CLIC5: variants seen among roughly 807,000 people sequenced by gnomAD.
CLIC5 encodes the protein chloride intracellular channel protein 5.
In CLIC5, 20 loss-of-function variants were observed where a neutral mutation model predicts 24.7. That is an observed-to-expected ratio of 0.81 (90% CI 0.57 to 1.18). CLIC5 has a LOEUF of 1.18. Among genes scored for constraint, CLIC5 ranks in the 50% most tolerant of loss-of-function variants. The pLI is 0.00. For missense variants in CLIC5, 341 were observed against 326.1 expected (o/e 1.05, Z -0.35); for synonymous variants, 159 against 135.6 (o/e 1.17, Z -1.20).
At chr6:45,913,953 A>G in intron 5 of CLIC5, 1 of 540,468 alleles carries the variant, frequency 1.9e-6, no homozygotes. Flanking sequence ...ACACATATTA[A>G]GCCCCCACAA....
chr6:45,958,915 A>G (rs1283174753), intron 1 of CLIC5, among the ~76,000 whole-genome samples: 1 of 152,084 alleles, frequency 6.6e-6, no homozygotes, highest in East Asian at 1.9e-4. Flanking sequence ...AGGATCTCAA[A>G]ATTCTCTCAC....
chr6:46,104,716 C>T, the CLIC5 span, among the ~76,000 whole-genome samples: 2 of 149,540 alleles, frequency 1.3e-5, no homozygotes, highest in Admixed American at 1.3e-4. Flanking sequence ...AAATAATTGA[C>T]TTCTTTGTAC....
chr6:45,990,271 C>T (rs1449638733), intron 1 of CLIC5, among the ~76,000 whole-genome samples: 1 of 152,132 alleles, frequency 6.6e-6, no homozygotes, highest in African/African-American at 2.4e-5. Flanking sequence ...GCACCAATGC[C>T]CTATTACTTT....
rs114467810 is a variant in CLIC5 at position 45,930,894 on chromosome 6, T to G, written c.406+10653A>C. Among the ~76,000 whole-genome samples, 557 of 152,334 alleles carry G rather than the reference T, an allele frequency of 3.7e-3. 4 individuals carry two copies. Among genetic ancestry groups the G allele is most frequent in the African/African-American group, 0.012 (483 of 41,572 alleles). On this transcript the variant is annotated intron_variant, in intron 4 of 5. Coordinates refer to ENST00000339561, the MANE Select transcript of CLIC5 (RefSeq NM_016929.5). The stretch of plus-strand genomic sequence containing the variant: ...TGAGGAGGCTGAGGCATACTGAAAT[T>G]AACAGAACTTGCTATTGTAGCCACG...
At chr6:46,083,070 C>A (rs377630265), upstream of CLIC5, among the ~76,000 whole-genome samples, 3 of 152,180 alleles carry the variant, frequency 2.0e-5, no homozygotes, top group East Asian at 5.8e-4. Flanking sequence ...TTACGTTTCA[C>A]GAGAACAAGG....
At chr6:46,103,743 A>AT in the CLIC5 span, among the ~76,000 whole-genome samples, 12 of 151,954 alleles carry the variant, frequency 7.9e-5, no homozygotes, top group African/African-American at 2.4e-4. Flanking sequence ...ATCTGAGTTG[A>AT]TTTTTTTCAG....
chr6:46,100,435 G>A, the CLIC5 span, among the ~76,000 whole-genome samples: 1 of 152,222 alleles, frequency 6.6e-6, no homozygotes, highest in Non-Finnish European at 1.5e-5. Flanking sequence ...GGGGCTGCTT[G>A]CACCTTGGTG....
chr6:46,036,938 A>G (rs893886573), intron 1 of CLIC5, among the ~76,000 whole-genome samples: 11 of 152,224 alleles, frequency 7.2e-5, no homozygotes, highest in African/African-American at 2.7e-4. Context: ...TCTCCTTAGT[A>G]TAGTCTATAA....
intron 6 of CLIC5, among the ~76,000 whole-genome samples, chr6:45,882,746 G>C (rs1762274227): frequency 1.3e-5 from 2 of 152,260 alleles, no homozygotes; most frequent in South Asian, 2.1e-4. Context: ...AAAATTAATG[G>C]TATATCTGTT....
chr6:46,120,723 A>C, the CLIC5 span, among the ~76,000 whole-genome samples: 2 of 152,362 alleles, frequency 1.3e-5, no homozygotes, highest in South Asian at 4.1e-4. Context: ...TAACCAATGC[A>C]GAGAAGTCCT....
chr6:45,891,571 G>A (rs1426884674), intron 6 of CLIC5, among the ~76,000 whole-genome samples: 1 of 106,228 alleles, frequency 9.4e-6, no homozygotes, highest in Non-Finnish European at 1.9e-5. Flanking sequence ...GGGAGGCAGA[G>A]GTTCAGTGAG....
At chr6:46,031,186 T>G (rs557539329) in intron 1 of CLIC5, among the ~76,000 whole-genome samples, 1 of 152,362 alleles carries the variant, frequency 6.6e-6, no homozygotes, top group Non-Finnish European at 1.5e-5. Flanking sequence ...GAAGTTCTTA[T>G]GTACTAAATA....
intron 6 of CLIC5, among the ~76,000 whole-genome samples, chr6:45,892,610 C>T (rs1364237981): frequency 6.6e-6 from 1 of 152,176 alleles, no homozygotes; most frequent in Non-Finnish European, 1.5e-5. Context: ...CATGATGCAA[C>T]CATGTGTTTT....
intron 3 of CLIC5, among the ~76,000 whole-genome samples, chr6:45,943,040 G>T (rs748329727): frequency 6.6e-6 from 1 of 152,216 alleles, no homozygotes; most frequent in Non-Finnish European, 1.5e-5. Context: ...TGTGCAGCAG[G>T]CAGGCACTGT....
the CLIC5 span, among the ~76,000 whole-genome samples, chr6:46,110,440 T>C: frequency 1.3e-5 from 2 of 152,234 alleles, no homozygotes; most frequent in African/African-American, 4.8e-5. Context: ...TATGGCAACA[T>C]AGTTACTTGC....
intron 1 of CLIC5, among the ~76,000 whole-genome samples, chr6:45,961,687 T>C (rs1764846872): frequency 6.6e-6 from 1 of 152,160 alleles, no homozygotes; most frequent in African/African-American, 2.4e-5. Context: ...ATCCTTCCAA[T>C]AATTTGGTTG....
intron 1 of CLIC5, among the ~76,000 whole-genome samples, chr6:46,076,945 T>G (rs1214780648): frequency 6.6e-6 from 1 of 152,092 alleles, no homozygotes; most frequent in East Asian, 1.9e-4. Context: ...GAGACCATCC[T>G]GAACAACATA....
At chr6:46,009,463 A>G (rs1007301430) in intron 1 of CLIC5, among the ~76,000 whole-genome samples, 1 of 152,132 alleles carries the variant, frequency 6.6e-6, no homozygotes, top group Admixed American at 6.5e-5. Flanking sequence ...CACCCTGGGT[A>G]GAGAGAGTCC....
At chr6:45,903,512 A>G (rs1432683485) in intron 5 of CLIC5, among the ~76,000 whole-genome samples, 1 of 152,238 alleles carries the variant, frequency 6.6e-6, no homozygotes. Context: ...GGAAATAATC[A>G]TGGATGGATA....
Sources: allele counts gnomAD v4.1 joint callset (sites outside exome capture counted in the v4.1 genomes callset), GRCh38; gene constraint gnomAD v4.1.1; transcripts MANE v1.5; gene names NCBI Gene and HGNC (gene_info 2026-07-23, HGNC 2026-07-21).